Variants in KCNQ3 observed in about 807,000 individuals in gnomAD.
KCNQ3 encodes potassium voltage-gated channel subfamily Q member 3.
KCNQ3 carries 30 observed loss-of-function variants against 92.5 expected under a neutral mutation model. That is an observed-to-expected ratio of 0.32 (90% CI 0.24 to 0.44). The LOEUF is 0.44. Ranked by LOEUF, KCNQ3 falls within the 20% of genes least tolerant of loss-of-function variation. The probability of loss-of-function intolerance (pLI) is 1.00; values close to 1 mark genes in which losing one functional copy is unlikely to be tolerated. For synonymous variants in KCNQ3, 450 were observed against 468.8 expected, an observed-to-expected ratio of 0.96 and a Z score of 0.52; for missense variants, 913 against 1,140.3, an observed-to-expected ratio of 0.80 and a Z score of 2.87.
chr8:132,439,787 A>C (rs551825644), intron 1 of KCNQ3, among the ~76,000 whole-genome samples: 6 of 152,164 alleles, frequency 3.9e-5, no homozygotes, highest in Non-Finnish European at 8.8e-5. Context: ...CCCTGCTGAC[A>C]CCTTGTTTTA....
intron 1 of KCNQ3, among the ~76,000 whole-genome samples, chr8:132,188,882 T>C (rs1342875551): frequency 6.6e-6 from 1 of 152,242 alleles, no homozygotes; most frequent in Non-Finnish European, 1.5e-5. Flanking sequence ...GTTGACCATA[T>C]GTCCAAGTTT....
intron 1 of KCNQ3, among the ~76,000 whole-genome samples, chr8:132,424,225 C>T (rs145157290): frequency 0.015 from 2,339 of 151,956 alleles, 26 homozygotes; most frequent in Middle Eastern, 0.037. Context: ...AGCTGTTCTG[C>T]CTCTGTCGCC....
chr8:132,290,835 A>C (rs1816816489), intron 1 of KCNQ3, among the ~76,000 whole-genome samples: 1 of 152,156 alleles, frequency 6.6e-6, no homozygotes, highest in Non-Finnish European at 1.5e-5. Flanking sequence ...ACTGTGAGAA[A>C]TCAGTACCTG....
chr8:132,405,852 T>C (rs1172213148), intron 1 of KCNQ3, among the ~76,000 whole-genome samples: 1 of 152,110 alleles, frequency 6.6e-6, no homozygotes, highest in African/African-American at 2.4e-5. Flanking sequence ...AAAGGCACCC[T>C]AGAGGAGGTG....
chr8:132,217,726 A>AAAC (rs1814086404), intron 1 of KCNQ3, among the ~76,000 whole-genome samples: 1 of 151,490 alleles, frequency 6.6e-6, no homozygotes, highest in South Asian at 2.1e-4. Context: ...AAAAAAAAAA[A>AAAC]AAAACAAAAC....
Position 132,127,828 on chromosome 8 carries a change from C to A in KCNQ3, c.*1434G>T, listed in dbSNP as rs758087118. 1.3e-5 allele frequency: 2 copies of A among 152,194 alleles called. No individual in the cohort carries two copies. Among genetic ancestry groups the A allele is most frequent in the African/African-American group, 4.8e-5 (2 of 41,458 alleles). The allele number at this position is 152,194 out of a possible 1,614,324, so 9.4% of individuals were successfully genotyped here. ...GCTTGTGCTTAATATCACACCTGTA[C>A]AGTAGGGCAGTGCTTCCCAGGCTGT... On this transcript the variant is annotated 3_prime_UTR_variant, in exon 15 of 15. Coordinates refer to ENST00000388996, the MANE Select transcript of KCNQ3 (RefSeq NM_004519.4).
intron 1 of KCNQ3, among the ~76,000 whole-genome samples, chr8:132,411,671 CT>C (rs1347353800): frequency 6.6e-6 from 1 of 152,188 alleles, no homozygotes; most frequent in African/African-American, 2.4e-5. Context: ...AGGCCTCCTC[CT>C]GTCTCCACCT....
chr8:132,287,822 G>A (rs1816720469), intron 1 of KCNQ3, among the ~76,000 whole-genome samples: 1 of 152,126 alleles, frequency 6.6e-6, no homozygotes, highest in Admixed American at 6.6e-5. Flanking sequence ...AACAGGTACA[G>A]GGCTTCTATT....
intron 1 of KCNQ3, among the ~76,000 whole-genome samples, chr8:132,344,832 G>C (rs1262001845): frequency 2.6e-5 from 4 of 152,178 alleles, no homozygotes; most frequent in Non-Finnish European, 5.9e-5. Context: ...CTAGAGAGGA[G>C]GGGGCTGGGT....
intron 8 of KCNQ3, among the ~76,000 whole-genome samples, chr8:132,168,747 G>C (rs1355141170): frequency 6.8e-6 from 1 of 147,782 alleles, no homozygotes; most frequent in Non-Finnish European, 1.5e-5. Context: ...GTGTGTGTGT[G>C]TGTGTGTGTG....
rs762557078 is a variant in KCNQ3 at position 132,415,189 on chromosome 8, CTT to C, written c.386+64956_386+64957del. Among the ~76,000 whole-genome samples, 8 of 152,348 alleles carry C rather than the reference CTT, an allele frequency of 5.3e-5. No individual in the cohort carries two copies. In the South Asian group the frequency reaches 1.5e-3, roughly 28 times the overall value. On this transcript the variant is annotated intron_variant, in intron 1 of 14. Coordinates refer to ENST00000388996, the MANE Select transcript of KCNQ3 (RefSeq NM_004519.4). ...AACCTCCACTCCAGGGTACTTCTCT[CTT>C]GTCTTTCATTTCTACTCCTGCAGCC...
intron 1 of KCNQ3, among the ~76,000 whole-genome samples, chr8:132,340,105 G>A (rs1818482183): frequency 6.6e-6 from 1 of 152,146 alleles, no homozygotes. Context: ...AAAAAGTCAG[G>A]AAACAACAGA....
chr8:132,421,113 G>A (rs909718415), intron 1 of KCNQ3, among the ~76,000 whole-genome samples: 4 of 152,124 alleles, frequency 2.6e-5, no homozygotes. Flanking sequence ...CATTAGGAGG[G>A]CTTTGCTGTG....
At chr8:132,379,125 A>G (rs1055222279) in intron 1 of KCNQ3, among the ~76,000 whole-genome samples, 3 of 152,348 alleles carry the variant, frequency 2.0e-5, no homozygotes, top group Non-Finnish European at 4.4e-5. Flanking sequence ...CCATACAGTT[A>G]CTATTTATAA....
chr8:132,129,268 G>A lies in KCNQ3; in HGVS notation c.2613C>T (p.Pro871=). Residue 871 remains proline, a synonymous_variant, in exon 15 of 15, where the codon CCC becomes CCT. Coordinates refer to ENST00000388996, the MANE Select transcript of KCNQ3 (RefSeq NM_004519.4). The surrounding 1 kb of genome is among the most constrained non-coding windows in gnomAD (Gnocchi z 5.9). ...SDSVWTPSNK[P]I ...GGTCAGCCAGTGACCTCTTTTAAAT[G>A]GGCTTATTGGAAGGGGTCCATACTG... is the stretch of plus-strand genomic sequence containing the variant. 2 of 1,611,312 alleles carry A rather than the reference G, an allele frequency of 1.2e-6. No individual in the cohort carries two copies. The highest frequency in any genetic ancestry group is 1.1e-5 in the South Asian group (1 of 91,086).
At position 132,480,510 on chromosome 8, in the gene KCNQ3, G is replaced by T. The variant is rs1420068758; in HGVS notation, c.23C>A (p.Ala8Glu). ...GCCGCCGCCGCCAGCCGCCCCCGCCGCCCTGCGCGCCTTGAGCCCCATCTG... is the reference window on the plus strand; with the variant it reads ...GCCGCCGCCGCCAGCCGCCCCCGCCTCCCTGCGCGCCTTGAGCCCCATCTG... MGLKARR[A>E]AGAAGGGGDG... Residue 8 changes from alanine (A) to glutamate (E), a missense_variant, in exon 1 of 15, where the codon GCG (alanine) becomes GAG (glutamate). This residue lies in a region of KCNQ3 where 183 missense variants were observed against 167.7 expected (regional missense o/e 1.09). Transcript: ENST00000388996. The T allele has an allele frequency of 8.8e-7, 1 of 1,136,510 alleles. No homozygotes were observed. The highest frequency in any genetic ancestry group is 3.3e-5 in the South Asian group (1 of 30,540). 70.4% of individuals were successfully genotyped at this position (1,136,510 alleles called of 1,614,324 possible).
At chr8:132,198,704 G>A (rs1827375518) in intron 1 of KCNQ3, among the ~76,000 whole-genome samples, 1 of 152,124 alleles carries the variant, frequency 6.6e-6, no homozygotes, top group Non-Finnish European at 1.5e-5. Flanking sequence ...CTACTTGGGA[G>A]GCTGAGGCAG....
chr8:132,453,106 C>T (rs1587035531), intron 1 of KCNQ3, among the ~76,000 whole-genome samples: 1 of 152,078 alleles, frequency 6.6e-6, no homozygotes, highest in East Asian at 1.9e-4. Context: ...AAAGCAAAGG[C>T]CCCCAGGGGA....
intron 1 of KCNQ3, among the ~76,000 whole-genome samples, chr8:132,431,817 C>A (rs1337288646): frequency 3.3e-5 from 5 of 152,194 alleles, no homozygotes; most frequent in African/African-American, 1.2e-4. Context: ...ACATGGAGAT[C>A]CCAGACAGAA....
Sources: gnomAD v4.1 joint callset for allele counts (sites outside exome capture counted in the v4.1 genomes callset) on GRCh38, gnomAD v4.1.1 for gene constraint, gnomAD v4.1.1 regional missense constraint, Gnocchi (gnomAD v3.1) non-coding constraint, MANE v1.5 for transcripts, NCBI Gene and HGNC (gene_info 2026-07-23, HGNC 2026-07-21) for gene names.